FAM83B: variants seen among roughly 807,000 people sequenced by gnomAD.
FAM83B encodes protein FAM83B.
Under a neutral mutation model 38.8 loss-of-function variants are expected in FAM83B, and 26 were observed. The ratio of observed to expected loss-of-function variants is 0.67; its 90% CI spans 0.49 to 0.93. The LOEUF is 0.93. Among genes scored for constraint, FAM83B ranks in the 40% least tolerant of loss-of-function variants. The probability of loss-of-function intolerance (pLI) is 0.00; values close to 1 mark genes in which losing one functional copy is unlikely to be tolerated. For synonymous variants in FAM83B, 419 were observed against 423.1 expected (o/e 0.99, Z 0.12); for missense variants, 1,237 against 1,197.3 (o/e 1.03, Z -0.49).
At chr6:54,916,908 C>T (rs1257851786) in intron 2 of FAM83B, among the ~76,000 whole-genome samples, 2 of 152,172 alleles carry the variant, frequency 1.3e-5, no homozygotes, top group Non-Finnish European at 2.9e-5. Flanking sequence ...ACCTTGCTCT[C>T]TGCTAAGGGA....
chr6:54,851,283 C>T (rs1456787875), intron 1 of FAM83B, among the ~76,000 whole-genome samples: 1 of 147,996 alleles, frequency 6.8e-6, no homozygotes, highest in African/African-American at 2.5e-5. Context: ...CTTCTCTTCT[C>T]TTCCCTCCCA....
chr6:54,893,541 G>A (rs1381122153), intron 2 of FAM83B, among the ~76,000 whole-genome samples: 1 of 151,994 alleles, frequency 6.6e-6, no homozygotes, highest in African/African-American at 2.4e-5. Context: ...ATCATCACCA[G>A]GTGGTTCTTA....
At chr6:54,937,627 A>G (rs778430976) in intron 4 of FAM83B, among the ~76,000 whole-genome samples, 4 of 152,070 alleles carry the variant, frequency 2.6e-5, no homozygotes, top group Non-Finnish European at 4.4e-5. Context: ...CTTACATTAT[A>G]TCATGTTACA....
intron 1 of FAM83B, among the ~76,000 whole-genome samples, chr6:54,864,965 A>G (rs1316972760): frequency 6.6e-6 from 1 of 152,242 alleles, no homozygotes; most frequent in African/African-American, 2.4e-5. Context: ...TTGAAGTTAT[A>G]TCAGATAACT....
At chr6:54,898,737 G>T (rs1245003925) in intron 2 of FAM83B, among the ~76,000 whole-genome samples, 2 of 151,910 alleles carry the variant, frequency 1.3e-5, no homozygotes, top group African/African-American at 4.8e-5. Context: ...CCAAAGTTTT[G>T]TCAAGACCTG....
intron 2 of FAM83B, among the ~76,000 whole-genome samples, chr6:54,895,488 G>A (rs1169675251): frequency 1.3e-5 from 2 of 152,100 alleles, no homozygotes; most frequent in South Asian, 2.1e-4. Context: ...AACTTTTTAA[G>A]CAGTATCTTT....
chr6:54,877,086 A>G (rs1008676714), intron 2 of FAM83B, among the ~76,000 whole-genome samples: 2 of 152,194 alleles, frequency 1.3e-5, no homozygotes, highest in African/African-American at 2.4e-5. Flanking sequence ...AGAAATTAGC[A>G]GTTTTACACA....
rs371754330 is a variant in FAM83B, at chr6:54,862,868, A to AC, written c.-60-7319_-60-7318insC. On this transcript the variant is annotated intron_variant, in intron 1 of 4. Transcript: ENST00000306858. Reference sequence around the variant, plus strand: ...CATTGCACTCCAGGCTGGGTGCAAAAACCCCCCCCCAAAAAAACCACGAAA... The same window carrying AC: ...CATTGCACTCCAGGCTGGGTGCAAAACACCCCCCCCCAAAAAAACCACGAAA... 9.3e-3 allele frequency among the ~76,000 whole-genome samples: 1,394 copies of AC among 149,336 alleles called. 11 individuals carry two copies. The highest frequency in any genetic ancestry group is 0.014 in the East Asian group (71 of 4,922).
chr6:54,941,777 C>A lies in FAM83B; in HGVS notation c.2806C>A (p.Arg936Ser). The stretch of plus-strand genomic sequence containing the variant: ...TTCAACTGATCGGCGTGTTTACAGT[C>A]GTTTTGAGCCGTTTTGTAAGATTGA... ...SHSTDRRVYSRFEPFCKIESS... is the reference protein window; with the variant it reads ...SHSTDRRVYSSFEPFCKIESS... The change falls in exon 5 of 5, where the codon CGT becomes AGT. Residue 936 changes from arginine (R) to serine (S), a missense_variant. Physicochemically the swap from Arg to Ser is moderately radical, Grantham distance 110 (BLOSUM62 -1). Coordinates refer to ENST00000306858, the MANE Select transcript of FAM83B (RefSeq NM_001010872.3). The A allele has an allele frequency of 6.2e-7, 1 of 1,613,972 alleles. No homozygotes were observed. The highest frequency in any genetic ancestry group is 1.1e-5 in the South Asian group (1 of 91,040).
chr6:54,935,725 G>A (rs1197334322), intron 4 of FAM83B, among the ~76,000 whole-genome samples: 1 of 152,108 alleles, frequency 6.6e-6, no homozygotes, highest in African/African-American at 2.4e-5. Flanking sequence ...ATGAGCAAAT[G>A]AGAACACTAA....
At chr6:54,848,922 C>T (rs895044693) in intron 1 of FAM83B, among the ~76,000 whole-genome samples, 2 of 152,088 alleles carry the variant, frequency 1.3e-5, no homozygotes, top group African/African-American at 2.4e-5. Context: ...TAAGTTTGCA[C>T]GTCTGTCCCT....
chr6:54,911,182 A>G (rs1186370341), intron 2 of FAM83B, among the ~76,000 whole-genome samples: 1 of 117,106 alleles, frequency 8.5e-6, no homozygotes, highest in African/African-American at 2.9e-5. Context: ...TAATAGAAAA[A>G]TATTTTATAC....
intron 2 of FAM83B, among the ~76,000 whole-genome samples, chr6:54,882,977 T>C (rs1354390843): frequency 6.6e-6 from 1 of 152,200 alleles, no homozygotes; most frequent in Non-Finnish European, 1.5e-5. Flanking sequence ...GGAGTCTCGC[T>C]CTGTCACCCA....
At chr6:54,905,465 T>A (rs1264175705) in intron 2 of FAM83B, among the ~76,000 whole-genome samples, 1 of 152,226 alleles carries the variant, frequency 6.6e-6, no homozygotes, top group African/African-American at 2.4e-5. Context: ...CTAATTAACA[T>A]ATCTTTCACC....
At chr6:54,904,495 C>T (rs1342805545) in intron 2 of FAM83B, among the ~76,000 whole-genome samples, 1 of 152,168 alleles carries the variant, frequency 6.6e-6, no homozygotes, top group Non-Finnish European at 1.5e-5. Context: ...CCTTGCCCCA[C>T]TCCACGGCTC....
chr6:54,862,078 G>A (rs1384827410), intron 1 of FAM83B, among the ~76,000 whole-genome samples: 1 of 152,116 alleles, frequency 6.6e-6, no homozygotes, highest in Non-Finnish European at 1.5e-5. Flanking sequence ...AACCCAGGTG[G>A]GGTCATAATG....
intron 2 of FAM83B, among the ~76,000 whole-genome samples, chr6:54,901,826 G>A (rs551261690): frequency 1.1e-4 from 16 of 152,198 alleles, no homozygotes; most frequent in African/African-American, 3.6e-4. Flanking sequence ...TTAGTGACAG[G>A]TGTGTCATTT....
At chr6:54,904,719 A>G (rs894298851) in intron 2 of FAM83B, among the ~76,000 whole-genome samples, 1 of 152,248 alleles carries the variant, frequency 6.6e-6, no homozygotes, top group Non-Finnish European at 1.5e-5. Context: ...GACTAGAGCT[A>G]TGAAGCCAGA....
At position 54,935,935 on chromosome 6, in the gene FAM83B, G is replaced by A. The variant is rs543030066; in HGVS notation, c.735-3771G>A. Among the ~76,000 whole-genome samples, 6 of 152,138 alleles carry A rather than the reference G, an allele frequency of 3.9e-5. No individual in the cohort carries two copies. The South Asian group carries it at 8.3e-4, about 21-fold the overall frequency. ...AGCAATACTAGGGAAGGAATAGGTC[G>A]GGGAAGGAGGAGTGCTAGATGACAA... On this transcript the variant is annotated intron_variant, in intron 4 of 4. Transcript: ENST00000306858.
Sources: gnomAD v4.1 joint callset for allele counts (sites outside exome capture counted in the v4.1 genomes callset) on GRCh38, gnomAD v4.1.1 for gene constraint, MANE v1.5 for transcripts, NCBI Gene and HGNC (gene_info 2026-07-23, HGNC 2026-07-21) for gene names.